The following JAZF1 variants were observed in gnomAD, a reference collection of about 807,000 sequenced individuals.
JAZF1 encodes JAZF zinc finger 1.
JAZF1 carries 8 observed loss-of-function variants against 26.4 expected under a neutral mutation model. The ratio of observed to expected loss-of-function variants is 0.30; its 90% CI spans 0.18 to 0.55. The LOEUF (loss-of-function observed/expected upper bound fraction) is 0.55. JAZF1 is among the 20% of genes least tolerant of loss of function. The probability of loss-of-function intolerance (pLI) is 0.94; values close to 1 mark genes in which losing one functional copy is unlikely to be tolerated. For missense variants in JAZF1, 199 were observed against 322.0 expected (o/e 0.62, Z 2.92); for synonymous variants, 126 against 122.3 (o/e 1.03, Z -0.20).
chr7:27,977,045 A>C (rs910062082), intron 2 of JAZF1, among the ~76,000 whole-genome samples: 1 of 152,216 alleles, frequency 6.6e-6, no homozygotes, highest in East Asian at 1.9e-4. Flanking sequence ...AAATCCCTGA[A>C]CATGTTTATA....
At chr7:27,927,468 A>G (rs1049904173) in intron 2 of JAZF1, among the ~76,000 whole-genome samples, 1 of 152,066 alleles carries the variant, frequency 6.6e-6, no homozygotes, top group Non-Finnish European at 1.5e-5. Flanking sequence ...TCATCTGTAA[A>G]ATGAGGATAA....
At chr7:28,003,978 G>T (rs759194581) in intron 1 of JAZF1, among the ~76,000 whole-genome samples, 6 of 152,088 alleles carry the variant, frequency 3.9e-5, no homozygotes, top group Non-Finnish European at 8.8e-5. Flanking sequence ...TGGGTGCTAG[G>T]CATTGAAGGT....
intron 1 of JAZF1, among the ~76,000 whole-genome samples, chr7:28,149,388 T>C (rs1459874629): frequency 6.6e-6 from 1 of 152,098 alleles, no homozygotes; most frequent in Non-Finnish European, 1.5e-5. Context: ...TTCACCTATT[T>C]TTTTCCCTCT....
At chr7:27,964,058 CT>C (rs1234544056) in intron 2 of JAZF1, among the ~76,000 whole-genome samples, 1 of 152,244 alleles carries the variant, frequency 6.6e-6, no homozygotes, top group East Asian at 1.9e-4. Context: ...TACCCTCTTC[CT>C]CCAACATGTT....
At chr7:28,037,565 C>G (rs1451660031) in intron 1 of JAZF1, among the ~76,000 whole-genome samples, 1 of 152,098 alleles carries the variant, frequency 6.6e-6, no homozygotes, top group Non-Finnish European at 1.5e-5. Context: ...TTGAACGGGT[C>G]CCTTCACTTC....
intron 2 of JAZF1, among the ~76,000 whole-genome samples, chr7:27,932,898 G>T (rs968685500): frequency 6.6e-6 from 1 of 152,084 alleles, no homozygotes; most frequent in Admixed American, 6.5e-5. Context: ...GCTTCTTTAG[G>T]ATGTTTTTGA....
intron 1 of JAZF1, among the ~76,000 whole-genome samples, chr7:28,113,877 C>T (rs781214562): frequency 1.4e-4 from 21 of 152,116 alleles, no homozygotes; most frequent in Non-Finnish European, 2.8e-4. Flanking sequence ...ATCCGGATCT[C>T]TATATATGAA....
At chr7:28,047,045 T>C (rs1428932329) in intron 1 of JAZF1, among the ~76,000 whole-genome samples, 4 of 152,142 alleles carry the variant, frequency 2.6e-5, no homozygotes, top group Admixed American at 6.5e-5. Flanking sequence ...ACTATAAAAA[T>C]ATATTTTCTT....
chr7:27,969,826 C>A (rs1023486354), intron 2 of JAZF1, among the ~76,000 whole-genome samples: 2 of 152,168 alleles, frequency 1.3e-5, no homozygotes, highest in Non-Finnish European at 2.9e-5. Flanking sequence ...GAGACACAGG[C>A]CTTGCCTTGG....
chr7:27,834,778 T>A (rs985906195), intron 4 of JAZF1, among the ~76,000 whole-genome samples: 5 of 152,208 alleles, frequency 3.3e-5, no homozygotes, highest in Non-Finnish European at 7.3e-5. Context: ...CCCCAACTGG[T>A]GTCTTAGAGC....
intron 3 of JAZF1, among the ~76,000 whole-genome samples, chr7:27,846,251 G>T (rs146288903): frequency 1.2e-3 from 184 of 152,002 alleles, no homozygotes; most frequent in African/African-American, 4.3e-3. Context: ...TGTCCTTCAG[G>T]CTCATCCATG....
chr7:27,942,901 G>A (rs1429854119), intron 2 of JAZF1, among the ~76,000 whole-genome samples: 1 of 152,184 alleles, frequency 6.6e-6, no homozygotes, highest in Non-Finnish European at 1.5e-5. Flanking sequence ...TGGGGCAAGG[G>A]GTGCTGGGAG....
chr7:27,834,640 A>G (rs1484928613), intron 4 of JAZF1, among the ~76,000 whole-genome samples: 1 of 152,166 alleles, frequency 6.6e-6, no homozygotes, highest in Non-Finnish European at 1.5e-5. Context: ...AATCAGACCC[A>G]CTGAAATGTT....
intron 1 of JAZF1, among the ~76,000 whole-genome samples, chr7:28,090,236 T>C (rs1449140274): frequency 3.9e-5 from 6 of 152,258 alleles, no homozygotes; most frequent in African/African-American, 4.8e-5. Flanking sequence ...ATAGCTCTTA[T>C]AGTGCCTAAC....
intron 2 of JAZF1, among the ~76,000 whole-genome samples, chr7:27,914,514 A>G (rs1043983042): frequency 2.8e-4 from 43 of 152,272 alleles, no homozygotes; most frequent in African/African-American, 9.1e-4. Flanking sequence ...GTTTATATAA[A>G]TTGTGGCAAC....
chr7:27,864,641 C>G (rs1433344435), intron 3 of JAZF1, among the ~76,000 whole-genome samples: 2 of 152,138 alleles, frequency 1.3e-5, no homozygotes, highest in East Asian at 3.9e-4. Context: ...TGAGTAGCAC[C>G]AAGAAAATAT....
intron 3 of JAZF1, among the ~76,000 whole-genome samples, chr7:27,845,711 A>AAAAAAAAAAAAAAAAAAAAAAAAAG (rs1554328474): frequency 7.3e-6 from 1 of 137,672 alleles, no homozygotes; most frequent in Non-Finnish European, 1.5e-5. Context: ...AAAAAAAAAA[A>AAAAAAAAAAAAAAAAAAAAAAAAAG]AAAGAAAAGA....
intron 3 of JAZF1, among the ~76,000 whole-genome samples, chr7:27,864,833 G>A (rs1783447713): frequency 6.6e-6 from 1 of 152,144 alleles, no homozygotes. Flanking sequence ...CCCTCTTGGG[G>A]AGATCAAAAT....
At chr7:28,098,095 G>A (rs1285290819) in intron 1 of JAZF1, among the ~76,000 whole-genome samples, 3 of 152,100 alleles carry the variant, frequency 2.0e-5, no homozygotes, top group Non-Finnish European at 4.4e-5. Flanking sequence ...TCTGTAATCC[G>A]CAATGTGATG....
Sources: allele counts gnomAD v4.1 joint callset (sites outside exome capture counted in the v4.1 genomes callset), GRCh38; gene constraint gnomAD v4.1.1; transcripts MANE v1.5; gene names NCBI Gene and HGNC (gene_info 2026-07-23, HGNC 2026-07-21).